Variants in LRRC53 observed in about 807,000 individuals in gnomAD.
The protein encoded by LRRC53 is leucine rich repeat containing 53.
LRRC53 carries 25 observed loss-of-function variants against 13.6 expected under a neutral mutation model. That is an observed-to-expected ratio of 1.83 (90% CI 1.34 to 2.56). The LOEUF is 2.56. Among genes scored for constraint, LRRC53 ranks in the 30% most tolerant of loss-of-function variants. The probability of loss-of-function intolerance (pLI) is 0.00; values close to 1 mark genes in which losing one functional copy is unlikely to be tolerated. For missense variants in LRRC53, 527 were observed against 275.8 expected (o/e 1.91, Z -6.45); for synonymous variants, 204 against 109.8 (o/e 1.86, Z -5.37).
At chr1:74,484,355 G>A (rs1225082640) in intron 1 of LRRC53, among the ~76,000 whole-genome samples, 2 of 152,098 alleles carry the variant, frequency 1.3e-5, no homozygotes, top group African/African-American at 4.8e-5. Flanking sequence ...ATCACCTTCT[G>A]CATGCTAGGC....
At chr1:74,493,765 C>G (rs895240890) in intron 1 of LRRC53, among the ~76,000 whole-genome samples, 1 of 152,194 alleles carries the variant, frequency 6.6e-6, no homozygotes, top group Non-Finnish European at 1.5e-5. Context: ...TTCTCACAGA[C>G]AAAGGCTAGT....
At chr1:74,498,119 A>G (rs1669427287) in intron 1 of LRRC53, among the ~76,000 whole-genome samples, 1 of 152,240 alleles carries the variant, frequency 6.6e-6, no homozygotes, top group Non-Finnish European at 1.5e-5. Flanking sequence ...ATTATCTTAC[A>G]CAAAATGACA....
At chr1:74,492,287 A>G (rs1344483464) in intron 1 of LRRC53, 1 of 1,472,256 alleles carries the variant, frequency 6.8e-7, no homozygotes, top group Admixed American at 1.9e-5. Context: ...ATATAAGCAA[A>G]TCTCACAGTA....
chr1:74,508,161 C>A (rs6686759), intron 1 of LRRC53, among the ~76,000 whole-genome samples: 3,799 of 152,244 alleles, frequency 0.025, 150 homozygotes, highest in African/African-American at 0.087. Flanking sequence ...CAAAGAGATG[C>A]AGAAATACCT....
At chr1:74,510,463 G>A (rs1262620098) in intron 1 of LRRC53, among the ~76,000 whole-genome samples, 4 of 152,032 alleles carry the variant, frequency 2.6e-5, no homozygotes, top group African/African-American at 4.8e-5. Flanking sequence ...AGCCGACATC[G>A]CGCCACTGCA....
intron 1 of LRRC53, among the ~76,000 whole-genome samples, chr1:74,501,874 T>TTA (rs367958004): frequency 0.015 from 2,173 of 149,736 alleles, 35 homozygotes; most frequent in African/African-American, 0.039. Flanking sequence ...CTTCTGAGGG[T>TTA]TATATATATA....
intron 1 of LRRC53, among the ~76,000 whole-genome samples, chr1:74,510,052 T>C (rs1019817013): frequency 6.6e-5 from 10 of 152,258 alleles, no homozygotes; most frequent in African/African-American, 2.4e-4. Context: ...ATGTCACAGA[T>C]TTTCTATTGC....
At chr1:74,473,131 A>C (rs773016639) in intron 4 of LRRC53, among the ~76,000 whole-genome samples, 1 of 152,166 alleles carries the variant, frequency 6.6e-6, no homozygotes, top group Non-Finnish European at 1.5e-5. Context: ...CCATTAATTG[A>C]GCACATGCTA....
the LRRC53 span, among the ~76,000 whole-genome samples, chr1:74,534,198 C>T: frequency 7.5e-6 from 1 of 133,616 alleles, no homozygotes; most frequent in Admixed American, 7.7e-5. Flanking sequence ...TAAAACAATT[C>T]TCTGTAATTG....
chr1:74,533,400 T>A, the LRRC53 span, among the ~76,000 whole-genome samples: 2 of 152,080 alleles, frequency 1.3e-5, no homozygotes, highest in African/African-American at 4.8e-5. Flanking sequence ...ATCATTAAAA[T>A]GTCAGGAAAC....
At chr1:74,480,122 AAAG>A (rs1410287169) in intron 3 of LRRC53, 28 bp downstream of exon 3, 2 of 692,686 alleles carry the variant, frequency 2.9e-6, no homozygotes, top group Non-Finnish European at 5.3e-6. Flanking sequence ...AGAGAAGAGA[AAAG>A]AGGAGGGCAC....
At position 74,475,691 on chromosome 1, in the gene LRRC53, C is replaced by A. The variant is rs753594365; in HGVS notation, c.1024G>T (p.Ala342Ser). The A allele has an allele frequency of 1.1e-5, 8 of 712,924 alleles. No individual in the cohort carries two copies. The highest frequency in any genetic ancestry group is 1.0e-4 in the South Asian group (7 of 67,068). The allele number at this position is 712,924 out of a possible 1,614,324, so 44.2% of individuals were successfully genotyped here. The change falls in exon 4 of 5, where the codon GCT (alanine) becomes TCT (serine). Residue 342 changes from alanine (A) to serine (S), a missense_variant. Coordinates refer to ENST00000294635, the MANE Select transcript of LRRC53 (RefSeq NM_001382280.1). ...CCRTFDEPLCAHEARNYHTKG... is the reference protein window; with the variant it reads ...CCRTFDEPLCSHEARNYHTKG... ...GTGTGGTAATTTCTTGCCTCATGAG[C>A]ACACAGGGGTTCATCGAAGGTTCTG... is the stretch of plus-strand genomic sequence containing the variant.
Position 74,480,393 on chromosome 1 carries a change from G to A in LRRC53, c.664C>T (p.Leu222Phe). The change falls in exon 3 of 5, where the codon CTC becomes TTC. Residue 222 changes from leucine to phenylalanine, a missense_variant. Leu to Phe is a conservative substitution (Grantham distance 22). Transcript: ENST00000294635. The part of the protein sequence containing the change: ...DKNQWSCTCD[L>F]HPLARFLRNY... ...CTTAAAAACCGAGCAAGGGGATGGA[G>A]ATCACAAGTGCAGCTCCACTGGTTC... The A allele has an allele frequency of 1.4e-6, 1 of 717,582 alleles. No individual in the cohort carries two copies. Among genetic ancestry groups the A allele is most frequent in the Non-Finnish European group, 2.6e-6 (1 of 385,126 alleles). 44.5% of individuals were successfully genotyped at this position (717,582 alleles called of 1,614,324 possible). A position where few individuals can be genotyped will look rare whatever the true frequency, so the allele number is the denominator to read the frequency against.
chr1:74,518,075 G>A, the LRRC53 span, among the ~76,000 whole-genome samples: 1 of 152,190 alleles, frequency 6.6e-6, no homozygotes, highest in African/African-American at 2.4e-5. Flanking sequence ...TAGGGCAGCC[G>A]TGTGCAGGTT....
At chr1:74,485,303 G>C (rs1022217513) in intron 1 of LRRC53, among the ~76,000 whole-genome samples, 1 of 152,216 alleles carries the variant, frequency 6.6e-6, no homozygotes, top group Admixed American at 6.5e-5. Context: ...TGAGAAAACA[G>C]TAAGAACAAT....
chr1:74,526,969 A>C, the LRRC53 span, among the ~76,000 whole-genome samples: 1 of 152,264 alleles, frequency 6.6e-6, no homozygotes, highest in South Asian at 2.1e-4. Flanking sequence ...TAGTTGCAAG[A>C]GACCATATGG....
intron 3 of LRRC53, among the ~76,000 whole-genome samples, chr1:74,476,647 T>C (rs1668221605): frequency 6.6e-6 from 1 of 152,132 alleles, no homozygotes; most frequent in Non-Finnish European, 1.5e-5. Flanking sequence ...TCTAATCTTA[T>C]AAATTCTCAA....
rs1353250858 is a variant in LRRC53, at chr1:74,471,148, C to T, written c.2474G>A (p.Ser825Asn). The change falls in exon 5 of 5, where the codon AGC (serine) becomes AAC (asparagine). Residue 825 changes from serine to asparagine, a missense_variant. Physicochemically the swap from Ser to Asn is conservative, Grantham distance 46 (BLOSUM62 1). Transcript: ENST00000294635. Reference protein sequence around the residue: ...RVVNQSSIESSCYSAGHIPDG... With the variant: ...RVVNQSSIESNCYSAGHIPDG... Reference sequence around the variant, plus strand: ...AGGAATGTGGCCAGCTGAGTAACAGCTGCTTTCTATAGAGCTCTGGTTGAC... The same window carrying T: ...AGGAATGTGGCCAGCTGAGTAACAGTTGCTTTCTATAGAGCTCTGGTTGAC... The T allele has an allele frequency of 1.7e-5, 7 of 400,562 alleles. No homozygotes were observed. The highest frequency in any genetic ancestry group is 3.1e-5 in the Non-Finnish European group (7 of 226,208). The allele number at this position is 400,562 out of a possible 1,614,324, so 24.8% of individuals were successfully genotyped here.
chr1:74,517,898 C>G, the LRRC53 span, among the ~76,000 whole-genome samples: 1 of 152,154 alleles, frequency 6.6e-6, no homozygotes, highest in Admixed American at 6.6e-5. Context: ...GAATTTCTAA[C>G]CAGTTCCCAG....
Sources: gnomAD v4.1 joint callset for allele counts (sites outside exome capture counted in the v4.1 genomes callset) on GRCh38, gnomAD v4.1.1 for gene constraint, MANE v1.5 for transcripts, NCBI Gene and HGNC (gene_info 2026-07-23, HGNC 2026-07-21) for gene names.